The following DYM variants were observed in gnomAD, a reference collection of about 807,000 sequenced individuals.
DYM encodes the protein dyggve-Melchior-Clausen syndrome protein.
Under a neutral mutation model 93.1 loss-of-function variants are expected in DYM, and 78 were observed. That is an observed-to-expected ratio of 0.84 (90% CI 0.70 to 1.01). The LOEUF (loss-of-function observed/expected upper bound fraction) is 1.01, where lower values mean the gene tolerates loss of function less well. Ranked by LOEUF, DYM falls within the 50% of genes least tolerant of loss-of-function variation. The pLI, the probability that DYM is intolerant of heterozygous loss-of-function variation, is 0.00. For synonymous variants in DYM, 321 were observed against 319.7 expected (o/e 1.00, Z -0.04); for missense variants, 789 against 845.0 (o/e 0.93, Z 0.82).
intron 16 of DYM, among the ~76,000 whole-genome samples, chr18:49,099,205 T>G (rs1185834717): frequency 6.6e-6 from 1 of 151,800 alleles, no homozygotes; most frequent in Non-Finnish European, 1.5e-5. Flanking sequence ...CTTACTGAAT[T>G]TTTTTTTTCT....
chr18:49,346,421 G>A (rs550804808), intron 6 of DYM, among the ~76,000 whole-genome samples: 2 of 152,246 alleles, frequency 1.3e-5, no homozygotes, highest in South Asian at 4.1e-4. Context: ...CCAGAATAGG[G>A]AAATGCATAG....
chr18:49,362,504 G>A (rs2066120183), intron 6 of DYM, among the ~76,000 whole-genome samples: 1 of 152,126 alleles, frequency 6.6e-6, no homozygotes, highest in African/African-American at 2.4e-5. Flanking sequence ...TGTTGGCTTT[G>A]GTTCAGCAGC....
intron 1 of DYM, chr18:49,431,924 C>A (rs770482476): frequency 6.6e-6 from 1 of 152,226 alleles, no homozygotes; most frequent in African/African-American, 2.4e-5. Context: ...TACTTTCATC[C>A]TTCCTGCAAG....
At chr18:49,407,840 A>G (rs1673080897) in intron 2 of DYM, among the ~76,000 whole-genome samples, 1 of 152,220 alleles carries the variant, frequency 6.6e-6, no homozygotes, top group Middle Eastern at 3.2e-3. Flanking sequence ...GTAGTTATAC[A>G]AGATGTTACA....
intron 17 of DYM, chr18:49,048,520 C>T (rs1419639288): frequency 6.6e-6 from 1 of 152,190 alleles, no homozygotes; most frequent in Non-Finnish European, 1.5e-5. Flanking sequence ...CCCATGAAGG[C>T]CTTAGGAGAG....
At chr18:49,075,167 T>C (rs2077201911) in intron 17 of DYM, among the ~76,000 whole-genome samples, 1 of 152,200 alleles carries the variant, frequency 6.6e-6, no homozygotes, top group South Asian at 2.1e-4. Flanking sequence ...CCCATAACCC[T>C]AAGGACCTCA....
Position 49,460,438 on chromosome 18 carries a change from C to G in DYM, c.-94G>C, listed in dbSNP as rs886053848. On this transcript the variant is annotated 5_prime_UTR_variant, in exon 1 of 18. Transcript: ENST00000675505. ...GGGGGATCTGCTCCAGCTCCACGGACCCGCGGACGGATGGGAGGGTGGCAG... is the reference window on the plus strand; with the variant it reads ...GGGGGATCTGCTCCAGCTCCACGGAGCCGCGGACGGATGGGAGGGTGGCAG... The G allele has an allele frequency of 3.9e-5, 6 of 152,306 alleles. No individual in the cohort carries two copies. Among genetic ancestry groups the G allele is most frequent in the African/African-American group, 1.4e-4 (6 of 41,458 alleles). 9.4% of individuals were successfully genotyped at this position (152,306 alleles called of 1,614,324 possible).
chr18:49,086,665 T>C (rs754473463), intron 17 of DYM, among the ~76,000 whole-genome samples: 14 of 152,056 alleles, frequency 9.2e-5, no homozygotes, highest in Admixed American at 2.6e-4. Context: ...GGCATGAAGG[T>C]GGAGCCTCAT....
intron 14 of DYM, among the ~76,000 whole-genome samples, chr18:49,200,095 C>T (rs770086459): frequency 2.6e-5 from 4 of 152,058 alleles, no homozygotes; most frequent in Non-Finnish European, 5.9e-5. Flanking sequence ...CTGTAAACCA[C>T]CGCAGTTCTT....
chr18:49,102,463 T>C (rs1411889980), intron 16 of DYM, among the ~76,000 whole-genome samples: 1 of 152,306 alleles, frequency 6.6e-6, no homozygotes, highest in South Asian at 2.1e-4. Flanking sequence ...ACGTGCACAA[T>C]GTGCAGGTTA....
At chr18:49,333,985 C>A (rs181836624) in intron 6 of DYM, 132 bp from the exon 7 acceptor site, 12 of 963,768 alleles carry the variant, frequency 1.2e-5, no homozygotes, top group African/African-American at 3.3e-5. Flanking sequence ...AATGTTAATA[C>A]GTTTAATACA....
intron 17 of DYM, among the ~76,000 whole-genome samples, chr18:49,071,322 G>T (rs990563821): frequency 4.6e-5 from 7 of 152,132 alleles, no homozygotes; most frequent in African/African-American, 1.2e-4. Context: ...ACTGTCTTTT[G>T]CAGTACACAT....
chr18:49,333,016 T>A (rs12606458), intron 7 of DYM, among the ~76,000 whole-genome samples: 1 of 152,090 alleles, frequency 6.6e-6, no homozygotes, highest in Admixed American at 6.5e-5. Context: ...TCAAAGAACA[T>A]ACATGCCACA....
At position 49,434,084 on chromosome 18, in the gene DYM, G is replaced by A. The variant is rs191358629; in HGVS notation, c.-53-3637C>T. Among the ~76,000 whole-genome samples, 16 of 152,048 alleles carry A rather than the reference G, an allele frequency of 1.1e-4. No homozygotes were observed. The East Asian group carries it at 1.7e-3, about 17-fold the overall frequency. On this transcript the variant is annotated intron_variant, in intron 1 of 17. Transcript: ENST00000675505. ...AATTAGGCTGGGCGCGGTGGCTCACGCCTATAATCCCAACACTTTGGGAGG... is the reference window on the plus strand; with the variant it reads ...AATTAGGCTGGGCGCGGTGGCTCACACCTATAATCCCAACACTTTGGGAGG...
rs777460950 is a variant in DYM at position 49,286,407 on chromosome 18, G to A, written c.946+27C>T. 47 of 1,612,062 alleles carry A rather than the reference G, an allele frequency of 2.9e-5. No individual in the cohort carries two copies. In the Admixed American group the frequency reaches 7.5e-4, roughly 26 times the overall value. ...CAAGCAATACTCTCCCCATTACAAA[G>A]AATATTAGAGAAAAAATACCACAAA... On this transcript the variant is annotated intron_variant, in intron 9 of 17. Transcript: ENST00000675505.
intron 1 of DYM, among the ~76,000 whole-genome samples, chr18:49,456,710 G>C (rs2083013503): frequency 6.6e-6 from 1 of 152,118 alleles, no homozygotes; most frequent in Non-Finnish European, 1.5e-5. Flanking sequence ...ATGTAAAGTT[G>C]TTCCCAGCCC....
intron 13 of DYM, among the ~76,000 whole-genome samples, chr18:49,215,533 C>T (rs2092992060): frequency 6.6e-6 from 1 of 152,186 alleles, no homozygotes; most frequent in South Asian, 2.1e-4. Flanking sequence ...ATCATCCCAC[C>T]CTTGATACTG....
chr18:49,323,764 C>T (rs1382329775), intron 8 of DYM, among the ~76,000 whole-genome samples: 2 of 152,144 alleles, frequency 1.3e-5, no homozygotes, highest in African/African-American at 2.4e-5. Context: ...TTACATTAGC[C>T]CAAGCTAAGA....
intron 16 of DYM, among the ~76,000 whole-genome samples, chr18:49,103,320 T>G (rs2080394537): frequency 6.6e-6 from 1 of 152,226 alleles, no homozygotes; most frequent in African/African-American, 2.4e-5. Flanking sequence ...TAGCCCCTTG[T>G]CAGATGGGTA....
Sources: gnomAD v4.1 joint callset for allele counts (sites outside exome capture counted in the v4.1 genomes callset) on GRCh38, gnomAD v4.1.1 for gene constraint, MANE v1.5 for transcripts, NCBI Gene and HGNC (gene_info 2026-07-23, HGNC 2026-07-21) for gene names.